CAMSAP2: variants seen among roughly 807,000 people sequenced by gnomAD.
The protein encoded by CAMSAP2 is calmodulin regulated spectrin associated protein family member 2.
Under a neutral mutation model 146.1 loss-of-function variants are expected in CAMSAP2, and 26 were observed. The ratio of observed to expected loss-of-function variants is 0.18; its 90% CI spans 0.13 to 0.25. CAMSAP2 has a LOEUF of 0.25. CAMSAP2 is among the 10% of genes least tolerant of loss of function. The probability of loss-of-function intolerance (pLI) is 1.00; values close to 1 mark genes in which losing one functional copy is unlikely to be tolerated. For synonymous variants in CAMSAP2, 499 were observed against 596.6 expected, an observed-to-expected ratio of 0.84 and a Z score of 2.38; for missense variants, 1,381 against 1,759.3, an observed-to-expected ratio of 0.78 and a Z score of 3.85.
rs542439700 is a variant in CAMSAP2 at position 200,820,768 on chromosome 1, A to G, written c.645+5124A>G. On this transcript the variant is annotated intron_variant, in intron 4 of 16. Coordinates refer to ENST00000358823, the MANE Select transcript of CAMSAP2 (RefSeq NM_203459.4). ...TCTATGCCCCTTTAAGAATGTTGCA[A>G]TCCATTTCAGTACATTAAAGTCCCA... Among the ~76,000 whole-genome samples the G allele has an allele frequency of 3.5e-4, 53 of 152,310 alleles. 1 individual carries two copies. Among genetic ancestry groups the G allele is most frequent in the Admixed American group, 2.8e-3 (43 of 15,302 alleles).
intron 4 of CAMSAP2, among the ~76,000 whole-genome samples, chr1:200,817,151 C>CAT (rs1666590700): frequency 8.8e-6 from 1 of 113,282 alleles, no homozygotes; most frequent in Non-Finnish European, 1.7e-5. Flanking sequence ...TATACACATA[C>CAT]ACACATACAC....
intron 2 of CAMSAP2, among the ~76,000 whole-genome samples, chr1:200,801,125 A>G (rs893270997): frequency 2.0e-5 from 3 of 152,038 alleles, no homozygotes; most frequent in African/African-American, 2.4e-5. Flanking sequence ...TTAGCTGGGC[A>G]TGGTGGTGTG....
chr1:200,739,888 C>G lies in CAMSAP2; in HGVS notation c.61C>G (p.Pro21Ala), dbSNP rs756562159. The G allele has an allele frequency of 4.3e-6, 7 of 1,614,182 alleles. No individual in the cohort carries two copies. Among genetic ancestry groups the G allele is most frequent in the Non-Finnish European group, 5.9e-6 (7 of 1,180,028 alleles). ...RKTFIVPAIK[P>A]FDHYDFSRAK... ...GACGTTCATTGTTCCAGCCATCAAG[C>G]CTTTTGACCACTATGATTTCTCCAG... Residue 21 changes from proline (P) to alanine (A), a missense_variant, in exon 1 of 17, where the codon CCT becomes GCT. By Grantham distance (27) the Pro-to-Ala change is conservative (BLOSUM62 -1). Transcript: ENST00000358823. The surrounding 1 kb of genome is among the most constrained non-coding windows in gnomAD (Gnocchi z 4.8).
At position 200,807,542 on chromosome 1, in the gene CAMSAP2, G is replaced by T. The variant is rs767069553; in HGVS notation, c.561+5G>T. 20 of 1,565,162 alleles carry T rather than the reference G, an allele frequency of 1.3e-5. No individual in the cohort carries two copies. Among genetic ancestry groups the T allele is most frequent in the Non-Finnish European group, 1.7e-5 (20 of 1,154,264 alleles). Reference sequence around the variant, plus strand: ...GTCATGTACTGGATAAATAAGGTAGGATTATACTCACTTGAGTAAATCGCA... The same window carrying T: ...GTCATGTACTGGATAAATAAGGTAGTATTATACTCACTTGAGTAAATCGCA... On this transcript the variant is annotated splice_donor_5th_base_variant and intron_variant, in intron 3 of 16. Transcript: ENST00000358823.
chr1:200,820,049 T>C (rs1490096462), intron 4 of CAMSAP2, among the ~76,000 whole-genome samples: 1 of 152,028 alleles, frequency 6.6e-6, no homozygotes, highest in Non-Finnish European at 1.5e-5. Context: ...TGAAGTTTAA[T>C]GTTTCTCAAA....
At chr1:200,810,575 C>CAA (rs955804895) in intron 3 of CAMSAP2, among the ~76,000 whole-genome samples, 7 of 95,868 alleles carry the variant, frequency 7.3e-5, no homozygotes, top group Admixed American at 5.8e-4. Context: ...GACTCCATCT[C>CAA]AAAAAAAAAA....
chr1:200,823,646 A>G (rs565954584), intron 4 of CAMSAP2, among the ~76,000 whole-genome samples: 2 of 152,320 alleles, frequency 1.3e-5, no homozygotes, highest in South Asian at 2.1e-4. Context: ...TGATAAGAAC[A>G]TGATTTAACA....
intron 3 of CAMSAP2, among the ~76,000 whole-genome samples, chr1:200,814,321 A>G (rs1666418911): frequency 6.6e-6 from 1 of 151,982 alleles, no homozygotes; most frequent in African/African-American, 2.4e-5. Flanking sequence ...GATAGAAAAT[A>G]TGGGGCTGGG....
chr1:200,791,097 G>A (rs534213101), intron 2 of CAMSAP2, among the ~76,000 whole-genome samples: 4 of 152,038 alleles, frequency 2.6e-5, no homozygotes, highest in East Asian at 3.8e-4. Context: ...CACCTGCCTC[G>A]GCCTCCCAAA....
At chr1:200,804,128 G>A (rs1054814753) in intron 2 of CAMSAP2, among the ~76,000 whole-genome samples, 3 of 151,868 alleles carry the variant, frequency 2.0e-5, no homozygotes, top group South Asian at 2.1e-4. Context: ...GGGTTTCACC[G>A]TGTTAGCCAG....
At chr1:200,787,762 C>T (rs1665634490) in intron 2 of CAMSAP2, among the ~76,000 whole-genome samples, 4 of 152,094 alleles carry the variant, frequency 2.6e-5, no homozygotes. Context: ...GAAAGAAGAG[C>T]CAATCAGCAC....
chr1:200,755,557 G>A (rs1156640883), intron 1 of CAMSAP2, among the ~76,000 whole-genome samples: 1 of 152,162 alleles, frequency 6.6e-6, no homozygotes, highest in Non-Finnish European at 1.5e-5. Flanking sequence ...GAGGAGTAGA[G>A]GTGATAATTT....
Position 200,815,627 on chromosome 1 carries a change from G to A in CAMSAP2, c.628G>A (p.Ala210Thr), listed in dbSNP as rs1219914046. 3 of 1,566,698 alleles carry A rather than the reference G, an allele frequency of 1.9e-6. No individual in the cohort carries two copies. The African/African-American group carries it at 4.1e-5, about 21-fold the overall frequency. The change falls in exon 4 of 17, where the codon GCT becomes ACT. Residue 210 changes from alanine to threonine, a missense_variant. Around this residue, in one of 4 missense-constraint regions of CAMSAP2, gnomAD observed 284 missense variants for 406.9 expected, o/e 0.70. Coordinates refer to ENST00000358823, the MANE Select transcript of CAMSAP2 (RefSeq NM_203459.4). ...QKLKEHHTVEAPGGQKARYRK... is the reference protein window; with the variant it reads ...QKLKEHHTVETPGGQKARYRK... ...ACTGAAAGAACATCACACAGTTGAA[G>A]CTCCAGGAGGTCAAAAGGTATTTAT...
At chr1:200,851,119 G>C (rs981370000) in intron 11 of CAMSAP2, among the ~76,000 whole-genome samples, 2 of 152,138 alleles carry the variant, frequency 1.3e-5, no homozygotes, top group African/African-American at 4.8e-5. Flanking sequence ...GTGTCCCGGA[G>C]TTTTCAACTG....
intron 1 of CAMSAP2, among the ~76,000 whole-genome samples, chr1:200,747,193 C>T (rs1157897876): frequency 1.3e-5 from 2 of 152,128 alleles, no homozygotes; most frequent in Non-Finnish European, 2.9e-5. Flanking sequence ...GCCACCCCAC[C>T]CAGCTGACTG....
At chr1:200,827,907 A>T (rs1666944610) in intron 4 of CAMSAP2, among the ~76,000 whole-genome samples, 1 of 152,146 alleles carries the variant, frequency 6.6e-6, no homozygotes, top group Non-Finnish European at 1.5e-5. Flanking sequence ...TAAAGAAGAA[A>T]ATTAGATTCT....
At chr1:200,823,623 A>G (rs1159899877) in intron 4 of CAMSAP2, among the ~76,000 whole-genome samples, 1 of 152,216 alleles carries the variant, frequency 6.6e-6, no homozygotes, top group African/African-American at 2.4e-5. Flanking sequence ...CATATATTGT[A>G]TCACGGGGTA....
At chr1:200,790,383 T>C (rs1665717679) in intron 2 of CAMSAP2, among the ~76,000 whole-genome samples, 1 of 152,152 alleles carries the variant, frequency 6.6e-6, no homozygotes, top group Non-Finnish European at 1.5e-5. Context: ...GTTTCTGATA[T>C]TTATTGTGAG....
rs1002258058 is a variant in CAMSAP2 at position 200,779,686 on chromosome 1, T to C, written c.399+18588T>C. Among the ~76,000 whole-genome samples, 3 of 152,296 alleles carry C rather than the reference T, an allele frequency of 2.0e-5. No homozygotes were observed. The South Asian group carries it at 6.2e-4, about 32-fold the overall frequency. ...GTAGTCAAAGGTGTAGGATATAGAA[T>C]TGAACAACTCTGGCTAACATCTGAA... is the stretch of plus-strand genomic sequence containing the variant. On this transcript the variant is annotated intron_variant, in intron 2 of 16. Coordinates refer to ENST00000358823, the MANE Select transcript of CAMSAP2 (RefSeq NM_203459.4).
Sources: gnomAD v4.1 joint callset for allele counts (sites outside exome capture counted in the v4.1 genomes callset) on GRCh38, gnomAD v4.1.1 for gene constraint, gnomAD v4.1.1 regional missense constraint, Gnocchi (gnomAD v3.1) non-coding constraint, MANE v1.5 for transcripts, NCBI Gene and HGNC (gene_info 2026-07-23, HGNC 2026-07-21) for gene names.